Variants in CLSTN2 observed in about 807,000 individuals in gnomAD.
CLSTN2 encodes calsyntenin 2, also known as calsyntenin-2.
Under a neutral mutation model 101.2 loss-of-function variants are expected in CLSTN2, and 48 were observed. That is an observed-to-expected ratio of 0.47 (90% CI 0.38 to 0.60). The LOEUF (loss-of-function observed/expected upper bound fraction) is 0.60, where lower values mean the gene tolerates loss of function less well. Among genes scored for constraint, CLSTN2 ranks in the 20% least tolerant of loss-of-function variants. The probability of loss-of-function intolerance (pLI) is 0.00; values close to 1 mark genes in which losing one functional copy is unlikely to be tolerated. For missense variants in CLSTN2, 1,160 were observed against 1,238.2 expected (o/e 0.94, Z 0.95); for synonymous variants, 481 against 463.6 (o/e 1.04, Z -0.48).
intron 1 of CLSTN2, among the ~76,000 whole-genome samples, chr3:140,031,623 T>G (rs9874196): frequency 0.15 from 22,563 of 152,194 alleles, 1,804 homozygotes; most frequent in African/African-American, 0.19. Flanking sequence ...TGTATTGGTT[T>G]GAATATGGAG....
chr3:140,558,132 T>C (rs1461423708), intron 11 of CLSTN2, among the ~76,000 whole-genome samples: 2 of 152,202 alleles, frequency 1.3e-5, no homozygotes, highest in African/African-American at 4.8e-5. Context: ...TGTGTGGCAG[T>C]GTATCAGGAG....
chr3:140,306,056 C>G (rs2087111248), intron 2 of CLSTN2, among the ~76,000 whole-genome samples: 2 of 152,142 alleles, frequency 1.3e-5, no homozygotes, highest in South Asian at 4.2e-4. Context: ...TCACTGTGCC[C>G]CCTACACCCT....
intron 1 of CLSTN2, among the ~76,000 whole-genome samples, chr3:140,024,033 G>C (rs2007370890): frequency 6.6e-6 from 1 of 152,194 alleles, no homozygotes; most frequent in South Asian, 2.1e-4. Context: ...AAGCCAAACT[G>C]CTTGGGTGTG....
intron 8 of CLSTN2, among the ~76,000 whole-genome samples, chr3:140,478,333 GAAAA>G (rs58667320): frequency 5.3e-5 from 6 of 112,580 alleles, no homozygotes; most frequent in African/African-American, 1.7e-4. Flanking sequence ...AAAACATCCA[GAAAA>G]AAAAAAAAAA....
intron 1 of CLSTN2, among the ~76,000 whole-genome samples, chr3:140,113,158 A>C (rs2009183124): frequency 6.6e-6 from 1 of 152,206 alleles, no homozygotes; most frequent in Non-Finnish European, 1.5e-5. Context: ...GGAAATCGGC[A>C]AACACTACAA....
intron 2 of CLSTN2, among the ~76,000 whole-genome samples, chr3:140,307,561 T>G (rs2087126734): frequency 6.6e-6 from 1 of 152,242 alleles, no homozygotes; most frequent in African/African-American, 2.4e-5. Flanking sequence ...TGAAAAATCT[T>G]AATGACTTTG....
intron 2 of CLSTN2, among the ~76,000 whole-genome samples, chr3:140,198,207 C>T (rs138675786): frequency 1.8e-4 from 28 of 152,292 alleles, no homozygotes; most frequent in African/African-American, 6.5e-4. Flanking sequence ...TTAAGTTGCC[C>T]ATTCTGAACC....
At chr3:139,993,377 G>A (rs912738392) in intron 1 of CLSTN2, among the ~76,000 whole-genome samples, 7 of 152,074 alleles carry the variant, frequency 4.6e-5, no homozygotes, top group African/African-American at 1.7e-4. Context: ...TTGTACTGTC[G>A]ACCCCTGTCC....
intron 4 of CLSTN2, among the ~76,000 whole-genome samples, chr3:140,420,149 C>T (rs1169339177): frequency 6.6e-6 from 1 of 151,782 alleles, no homozygotes; most frequent in Non-Finnish European, 1.5e-5. Context: ...CCACCTCAGC[C>T]TTCCAAAGTG....
intron 2 of CLSTN2, among the ~76,000 whole-genome samples, chr3:140,344,067 C>T (rs2087517829): frequency 6.6e-6 from 1 of 152,184 alleles, no homozygotes; most frequent in Non-Finnish European, 1.5e-5. Flanking sequence ...TGTTTCTTCT[C>T]CAGCGTCCTC....
chr3:140,569,615 A>C lies in CLSTN2; in HGVS notation c.*3362A>C, dbSNP rs558757618. 17 of 152,138 alleles carry C rather than the reference A, an allele frequency of 1.1e-4. No homozygotes were observed. The highest frequency in any genetic ancestry group is 1.8e-4 in the Non-Finnish European group (12 of 68,026). The allele number at this position is 152,138 out of a possible 1,614,324, so 9.4% of individuals were successfully genotyped here. A position where few individuals can be genotyped will look rare whatever the true frequency, so the allele number is the denominator to read the frequency against. Reference sequence around the variant, plus strand: ...ATGCTGTAAGCACAGCCAAGGCCCAAATTCATCTAGATACCAAAAATGTGA... The same window carrying C: ...ATGCTGTAAGCACAGCCAAGGCCCACATTCATCTAGATACCAAAAATGTGA... On this transcript the variant is annotated 3_prime_UTR_variant, in exon 17 of 17. Transcript: ENST00000458420.
intron 2 of CLSTN2, among the ~76,000 whole-genome samples, chr3:140,400,676 G>GA (rs1394068631): frequency 6.6e-6 from 1 of 152,046 alleles, no homozygotes; most frequent in Non-Finnish European, 1.5e-5. Flanking sequence ...TCCAGCCTGG[G>GA]TGACAAACCA....
At position 140,511,686 on chromosome 3, in the gene CLSTN2, A is replaced by G. The variant is rs568817599; in HGVS notation, c.1345-20638A>G. Among the ~76,000 whole-genome samples, 15 of 150,460 alleles carry G rather than the reference A, an allele frequency of 1.0e-4. No homozygotes were observed. In the East Asian group the frequency reaches 1.6e-3, roughly 16 times the overall value. On this transcript the variant is annotated intron_variant, in intron 8 of 16. Coordinates refer to ENST00000458420, the MANE Select transcript of CLSTN2 (RefSeq NM_022131.3). Reference sequence around the variant, plus strand: ...TGCCTCAGCCTCCCGTGTAGCTGGGACTACAGATGCCAGCCACCACACCTG... The same window carrying G: ...TGCCTCAGCCTCCCGTGTAGCTGGGGCTACAGATGCCAGCCACCACACCTG...
Position 140,362,240 on chromosome 3 carries a change from C to G in CLSTN2, c.233-41389C>G, listed in dbSNP as rs117307903. ...AGGGCAGTTGTTGCAACAAATAGTG[C>G]TAGTATAATATATCCACATGCAAAA... is the stretch of plus-strand genomic sequence containing the variant. On this transcript the variant is annotated intron_variant, in intron 2 of 16. Transcript: ENST00000458420. Among the ~76,000 whole-genome samples, 169 of 152,208 alleles carry G rather than the reference C, an allele frequency of 1.1e-3. 1 individual carries two copies. In the East Asian group the frequency reaches 0.029, roughly 26 times the overall value.
At chr3:140,480,558 G>T (rs139001091) in intron 8 of CLSTN2, among the ~76,000 whole-genome samples, 2 of 152,052 alleles carry the variant, frequency 1.3e-5, no homozygotes, top group East Asian at 3.9e-4. Flanking sequence ...TTACAGTCCC[G>T]CCAACAGTGT....
intron 5 of CLSTN2, among the ~76,000 whole-genome samples, chr3:140,426,608 C>T (rs141830292): frequency 2.0e-3 from 309 of 152,196 alleles, no homozygotes; most frequent in African/African-American, 6.8e-3. Context: ...AAGGAGATGA[C>T]GTACAAAAGC....
chr3:140,528,797 C>T (rs1374325107), intron 8 of CLSTN2, among the ~76,000 whole-genome samples: 1 of 152,194 alleles, frequency 6.6e-6, no homozygotes, highest in Admixed American at 6.5e-5. Context: ...TCCCTGGGAC[C>T]TCACAGTGCC....
At chr3:140,252,292 A>T (rs2086571030) in intron 2 of CLSTN2, among the ~76,000 whole-genome samples, 1 of 152,174 alleles carries the variant, frequency 6.6e-6, no homozygotes, top group African/African-American at 2.4e-5. Context: ...CAAGGCTTAC[A>T]TTCCAATCCT....
rs149455463 is a variant in CLSTN2 at position 140,238,174 on chromosome 3, T to C, written c.232+62101T>C. ...CTTACATCTGAGGACAGAAGACATT[T>C]CTTCTGACCCTTTGGGGCCACAGGA... On this transcript the variant is annotated intron_variant, in intron 2 of 16. Transcript: ENST00000458420. 4.4e-3 allele frequency among the ~76,000 whole-genome samples: 665 copies of C among 152,306 alleles called. 5 individuals are homozygous for C. Among genetic ancestry groups the C allele is most frequent in the African/African-American group, 0.015 (641 of 41,578 alleles).
Sources: gnomAD v4.1 joint callset for allele counts (sites outside exome capture counted in the v4.1 genomes callset) on GRCh38, gnomAD v4.1.1 for gene constraint, MANE v1.5 for transcripts, NCBI Gene and HGNC (gene_info 2026-07-23, HGNC 2026-07-21) for gene names.